Variants in FAM220A observed in about 807,000 individuals in gnomAD.
The protein encoded by FAM220A is family with sequence similarity 220 member A.
For missense variants in FAM220A, 392 were observed against 321.6 expected, an observed-to-expected ratio of 1.22 and a Z score of -1.68; for synonymous variants, 141 against 130.7, an observed-to-expected ratio of 1.08 and a Z score of -0.54.
Position 6,347,680 on chromosome 7 carries a change from G to T in FAM220A, c.-82+893C>A, listed in dbSNP as rs1454302552. On this transcript the variant is annotated intron_variant, in intron 1 of 1. Transcript: ENST00000313324. Reference sequence around the variant, plus strand: ...CCCTGGTCTTCACCCTCACAACTCAGTTCCACCTCTGGCCAAAATACGGTA... The same window carrying T: ...CCCTGGTCTTCACCCTCACAACTCATTTCCACCTCTGGCCAAAATACGGTA... Among the ~76,000 whole-genome samples the T allele has an allele frequency of 3.9e-5, 6 of 152,072 alleles. No homozygotes were observed. The South Asian group carries it at 1.0e-3, about 26-fold the overall frequency.
intron 1 of FAM220A, among the ~76,000 whole-genome samples, chr7:6,344,563 C>T (rs969544996): frequency 6.6e-6 from 1 of 152,034 alleles, no homozygotes; most frequent in East Asian, 1.9e-4. Context: ...GGACTATAGG[C>T]ATGCACCACC....
chr7:6,335,035 G>A (rs538847030), intron 1 of FAM220A, among the ~76,000 whole-genome samples: 8 of 151,868 alleles, frequency 5.3e-5, no homozygotes, highest in Non-Finnish European at 8.8e-5. Flanking sequence ...CCAAAGTGGT[G>A]GGATTACAGG....
intron 1 of FAM220A, among the ~76,000 whole-genome samples, chr7:6,338,929 A>G (rs528691161): frequency 2.6e-5 from 4 of 152,290 alleles, no homozygotes; most frequent in African/African-American, 9.6e-5. Context: ...AGGAGAGCTC[A>G]CACACGCTCC....
At chr7:6,346,745 T>C (rs1781956936) in intron 1 of FAM220A, among the ~76,000 whole-genome samples, 2 of 152,168 alleles carry the variant, frequency 1.3e-5, no homozygotes, top group Middle Eastern at 3.2e-3. Flanking sequence ...CCATCACCTG[T>C]GTCAGGCACC....
At chr7:6,331,283 C>T in intron 1 of FAM220A, 48 bp from the exon 2 acceptor site, 2 of 865,724 alleles carry the variant, frequency 2.3e-6, no homozygotes, top group Non-Finnish European at 3.5e-6. Flanking sequence ...ACACATGGGT[C>T]TTAAGAGCAT....
At chr7:6,342,220 C>A (rs1209301663) in intron 1 of FAM220A, among the ~76,000 whole-genome samples, 1 of 151,890 alleles carries the variant, frequency 6.6e-6, no homozygotes, top group African/African-American at 2.4e-5. Flanking sequence ...TTCTTACTTT[C>A]TCTTTCTCTC....
chr7:6,348,767 C>T lies in FAM220A; in HGVS notation c.-276G>A, dbSNP rs1174912925. 4 of 398,630 alleles carry T rather than the reference C, an allele frequency of 1.0e-5. No individual in the cohort carries two copies. Among genetic ancestry groups the T allele is most frequent in the African/African-American group, 6.2e-5 (3 of 48,588 alleles). 24.7% of individuals were successfully genotyped at this position (398,630 alleles called of 1,614,324 possible). A position where few individuals can be genotyped will look rare whatever the true frequency, so the allele number is the denominator to read the frequency against. ...GACAGAGCCGCCGCCATATAGAGAC[C>T]GGCGCTCCCACAGCCCCCCCGCCCG... is the stretch of plus-strand genomic sequence containing the variant. On this transcript the variant is annotated 5_prime_UTR_variant, in exon 1 of 2. Transcript: ENST00000313324.
At chr7:6,337,619 G>GTATA (rs1340072652) in intron 1 of FAM220A, among the ~76,000 whole-genome samples, 1 of 151,268 alleles carries the variant, frequency 6.6e-6, no homozygotes, top group East Asian at 1.9e-4. Flanking sequence ...AACTAACGCA[G>GTATA]TATAAGGTAC....
At chr7:6,347,883 T>TTTATTATTA (rs143253434) in intron 1 of FAM220A, among the ~76,000 whole-genome samples, 9,108 of 131,428 alleles carry the variant, frequency 0.069, 399 homozygotes, top group Middle Eastern at 0.13. Flanking sequence ...ACGAGACCCC[T>TTTATTATTA]TTATTATTAT....
At chr7:6,347,258 T>C (rs1781971338) in intron 1 of FAM220A, among the ~76,000 whole-genome samples, 1 of 152,236 alleles carries the variant, frequency 6.6e-6, no homozygotes, top group Non-Finnish European at 1.5e-5. Context: ...CTGACGCCTA[T>C]AATCCCAGCA....
intron 1 of FAM220A, among the ~76,000 whole-genome samples, chr7:6,333,992 A>C (rs7787515): frequency 6.6e-6 from 1 of 150,438 alleles, no homozygotes; most frequent in Non-Finnish European, 1.5e-5. Context: ...GACTACAGGC[A>C]CCCGCCACCA....
At chr7:6,347,571 T>C (rs903036915) in intron 1 of FAM220A, among the ~76,000 whole-genome samples, 1 of 151,860 alleles carries the variant, frequency 6.6e-6, no homozygotes, top group South Asian at 2.1e-4. Context: ...TCCAGGGTGC[T>C]GGGGTGTGAG....
intron 1 of FAM220A, among the ~76,000 whole-genome samples, chr7:6,337,832 C>G (rs976084514): frequency 1.3e-5 from 2 of 148,526 alleles, no homozygotes; most frequent in Non-Finnish European, 3.0e-5. Context: ...GAGACAGAGT[C>G]TTGCTCTGTC....
intron 1 of FAM220A, among the ~76,000 whole-genome samples, chr7:6,344,265 GT>G (rs973388896): frequency 6.6e-6 from 1 of 152,028 alleles, no homozygotes; most frequent in Non-Finnish European, 1.5e-5. Context: ...GTAAGTTAGT[GT>G]TTTTTCACAA....
At chr7:6,342,018 C>T (rs1414890364) in intron 1 of FAM220A, 1 of 151,830 alleles carries the variant, frequency 6.6e-6, no homozygotes, top group Non-Finnish European at 1.5e-5. Flanking sequence ...ATTGCAAGTG[C>T]TGAAAACCTT....
chr7:6,335,274 G>A (rs1258840028), intron 1 of FAM220A, among the ~76,000 whole-genome samples: 1 of 151,520 alleles, frequency 6.6e-6, no homozygotes, highest in Non-Finnish European at 1.5e-5. Context: ...CCAGGCTGGA[G>A]GGCAATGGCA....
At chr7:6,344,652 C>T (rs1292231890) in intron 1 of FAM220A, among the ~76,000 whole-genome samples, 1 of 152,010 alleles carries the variant, frequency 6.6e-6, no homozygotes, top group Non-Finnish European at 1.5e-5. Context: ...CTCCTCAGTT[C>T]AAGTGATCCT....
chr7:6,335,978 G>C (rs893241189), intron 1 of FAM220A, among the ~76,000 whole-genome samples: 1 of 152,014 alleles, frequency 6.6e-6, no homozygotes, highest in Non-Finnish European at 1.5e-5. Context: ...TTCGAGATCA[G>C]CCTGGTCTAC....
intron 1 of FAM220A, among the ~76,000 whole-genome samples, chr7:6,333,412 C>T (rs1781678628): frequency 6.6e-6 from 1 of 152,184 alleles, no homozygotes; most frequent in African/African-American, 2.4e-5. Context: ...AGAATAGACA[C>T]ACTAGTTAGG....
Sources: allele counts gnomAD v4.1 joint callset (sites outside exome capture counted in the v4.1 genomes callset), GRCh38; gene constraint gnomAD v4.1.1; transcripts MANE v1.5; gene names NCBI Gene and HGNC (gene_info 2026-07-23, HGNC 2026-07-21).